Variants in PLCXD3 observed in about 807,000 individuals in gnomAD.
The protein encoded by PLCXD3 is PI-PLC X domain-containing protein 3.
A neutral mutation model predicts 25.5 loss-of-function variants in PLCXD3; 19 were observed. The observed-to-expected ratio is 0.75, with a 90% CI of 0.52 to 1.09. The LOEUF is 1.09. PLCXD3 is among the 50% of genes least tolerant of loss of function. The pLI is 0.00. For synonymous variants in PLCXD3, 174 were observed against 137.6 expected (o/e 1.26, Z -1.85); for missense variants, 411 against 388.1 (o/e 1.06, Z -0.50).
intron 1 of PLCXD3, among the ~76,000 whole-genome samples, chr5:41,470,056 T>TGGACAGAG (rs1554052184): frequency 6.6e-6 from 1 of 152,200 alleles, no homozygotes; most frequent in Non-Finnish European, 1.5e-5. Flanking sequence ...CCAGCAGCTC[T>TGGACAGAG]GTCCAGTGAT....
At chr5:41,450,649 A>G (rs1747607631) in intron 1 of PLCXD3, among the ~76,000 whole-genome samples, 1 of 152,086 alleles carries the variant, frequency 6.6e-6, no homozygotes, top group South Asian at 2.1e-4. Context: ...TCTTCCCAAG[A>G]ACACTTTACT....
chr5:41,486,311 T>C (rs1377747091), intron 1 of PLCXD3, among the ~76,000 whole-genome samples: 9 of 152,016 alleles, frequency 5.9e-5, no homozygotes, highest in Admixed American at 5.9e-4. Context: ...TTGGTGGTCA[T>C]CGTCCCCCCT....
intron 1 of PLCXD3, among the ~76,000 whole-genome samples, chr5:41,435,573 G>C (rs1340034775): frequency 6.6e-6 from 1 of 152,122 alleles, no homozygotes; most frequent in African/African-American, 2.4e-5. Context: ...AGCAATCTTG[G>C]AAAAGTCTGC....
At chr5:41,492,783 A>G (rs1444120152) in intron 1 of PLCXD3, among the ~76,000 whole-genome samples, 2 of 152,210 alleles carry the variant, frequency 1.3e-5, no homozygotes, top group Non-Finnish European at 2.9e-5. Context: ...CAGCCCCATC[A>G]GCTCCTTTAA....
chr5:41,333,067 A>G (rs1258565433), intron 2 of PLCXD3, among the ~76,000 whole-genome samples: 1 of 152,144 alleles, frequency 6.6e-6, no homozygotes, highest in Non-Finnish European at 1.5e-5. Context: ...CACATTGTGC[A>G]CATGTACCCT....
intron 1 of PLCXD3, among the ~76,000 whole-genome samples, chr5:41,433,706 T>C (rs912099730): frequency 3.3e-5 from 5 of 152,158 alleles, no homozygotes; most frequent in African/African-American, 1.2e-4. Flanking sequence ...CTAAGAATGA[T>C]TAAAGTGCAT....
Position 41,428,773 on chromosome 5 carries a change from A to G in PLCXD3, c.104-46239T>C, listed in dbSNP as rs970957725. ...TTTCCACCTCATTAACATTTAGTGC[A>G]TTTTTCCACACAGAGAAAATGTTTT... On this transcript the variant is annotated intron_variant, in intron 1 of 2. Coordinates refer to ENST00000377801, the MANE Select transcript of PLCXD3 (RefSeq NM_001005473.3). Among the ~76,000 whole-genome samples the G allele has an allele frequency of 1.1e-4, 16 of 152,238 alleles. No individual in the cohort carries two copies. The Middle Eastern group carries it at 0.01, about 97-fold the overall frequency.
At chr5:41,478,212 A>G (rs1237812305) in intron 1 of PLCXD3, among the ~76,000 whole-genome samples, 1 of 152,202 alleles carries the variant, frequency 6.6e-6, no homozygotes, top group Non-Finnish European at 1.5e-5. Flanking sequence ...TAGAGAGTTG[A>G]TCTTTAGCTT....
intron 1 of PLCXD3, among the ~76,000 whole-genome samples, chr5:41,401,127 T>C (rs906285128): frequency 3.3e-5 from 5 of 152,092 alleles, no homozygotes; most frequent in African/African-American, 1.2e-4. Context: ...AGAGCTCTTC[T>C]GGAAACAAGT....
At position 41,381,896 on chromosome 5, in the gene PLCXD3, C is replaced by G. The variant is rs200047148; in HGVS notation, c.742G>C (p.Val248Leu). 9 of 1,613,228 alleles carry G rather than the reference C, an allele frequency of 5.6e-6. No individual in the cohort carries two copies. The highest frequency in any genetic ancestry group is 2.7e-5 in the African/African-American group (2 of 74,936). The change falls in exon 2 of 3, where the codon GTG (valine) becomes CTG (leucine). Residue 248 changes from valine (V) to leucine (L), a missense_variant. By Grantham distance (32) the Val-to-Leu change is conservative. Coordinates refer to ENST00000377801, the MANE Select transcript of PLCXD3 (RefSeq NM_001005473.3). ...KKGSFFISQV[V>L]LTPKASTVVK... ...ACAGTGCTAGCTTTGGGGGTCAGCA[C>G]CACCTGAGATATAAAAAACGATCCC...
intron 2 of PLCXD3, among the ~76,000 whole-genome samples, chr5:41,372,070 C>T (rs917064923): frequency 1.3e-5 from 2 of 152,046 alleles, no homozygotes; most frequent in Non-Finnish European, 1.5e-5. Context: ...TCCTTATTCT[C>T]TCTACCCCCA....
At chr5:41,410,296 C>G (rs1025485420) in intron 1 of PLCXD3, among the ~76,000 whole-genome samples, 3 of 151,738 alleles carry the variant, frequency 2.0e-5, no homozygotes, top group African/African-American at 7.3e-5. Flanking sequence ...TGCGCCCCCA[C>G]GCCTGGCTAA....
intron 1 of PLCXD3, among the ~76,000 whole-genome samples, chr5:41,468,176 C>T (rs577333664): frequency 3.3e-5 from 5 of 151,968 alleles, no homozygotes; most frequent in African/African-American, 7.2e-5. Context: ...TGCCACCTGG[C>T]CCAGCTGATT....
intron 1 of PLCXD3, among the ~76,000 whole-genome samples, chr5:41,469,688 TA>T (rs1468367929): frequency 6.6e-6 from 1 of 152,188 alleles, no homozygotes; most frequent in African/African-American, 2.4e-5. Flanking sequence ...ATTAGTTTTT[TA>T]AAAAATGCCA....
chr5:41,509,377 C>T (rs1157498240), intron 1 of PLCXD3, among the ~76,000 whole-genome samples: 1 of 152,084 alleles, frequency 6.6e-6, no homozygotes, highest in Non-Finnish European at 1.5e-5. Flanking sequence ...GCCAAATTGA[C>T]AATAAAGTAT....
intron 1 of PLCXD3, among the ~76,000 whole-genome samples, chr5:41,507,303 A>G (rs186288334): frequency 4.4e-4 from 67 of 152,352 alleles, no homozygotes; most frequent in South Asian, 1.4e-3. Context: ...ATATGCACGA[A>G]TTAAAACTTA....
chr5:41,392,616 A>C (rs1309893014), intron 1 of PLCXD3, among the ~76,000 whole-genome samples: 1 of 152,182 alleles, frequency 6.6e-6, no homozygotes, highest in Non-Finnish European at 1.5e-5. Context: ...GATAGTGAAG[A>C]CTACAATAAA....
intron 2 of PLCXD3, among the ~76,000 whole-genome samples, chr5:41,348,935 G>C (rs997451004): frequency 6.6e-6 from 1 of 152,150 alleles, no homozygotes; most frequent in East Asian, 1.9e-4. Flanking sequence ...GGTCTAAAAA[G>C]GTCAAATAAT....
chr5:41,335,899 A>ACTAG (rs1440215684), intron 2 of PLCXD3, among the ~76,000 whole-genome samples: 1 of 152,150 alleles, frequency 6.6e-6, no homozygotes, highest in Non-Finnish European at 1.5e-5. Flanking sequence ...GGCTTCATGA[A>ACTAG]CTAGCTGTTT....
Sources: allele counts gnomAD v4.1 joint callset (sites outside exome capture counted in the v4.1 genomes callset), GRCh38; gene constraint gnomAD v4.1.1; transcripts MANE v1.5; gene names NCBI Gene and HGNC (gene_info 2026-07-23, HGNC 2026-07-21).